Variants in VPS13C observed in about 807,000 individuals in gnomAD.
The protein encoded by VPS13C is vacuolar protein sorting 13 homolog C.
Under a neutral mutation model 456.8 loss-of-function variants are expected in VPS13C, and 358 were observed. That is an observed-to-expected ratio of 0.78 (90% CI 0.72 to 0.86). The LOEUF (loss-of-function observed/expected upper bound fraction) is 0.86. Ranked by LOEUF, VPS13C falls within the 40% of genes least tolerant of loss-of-function variation. The pLI is 0.00. For synonymous variants in VPS13C, 1,578 were observed against 1,486.7 expected (o/e 1.06, Z -1.41); for missense variants, 4,818 against 4,385.4 (o/e 1.10, Z -2.79).
intron 1 of VPS13C, among the ~76,000 whole-genome samples, chr15:62,057,752 A>G (rs560200498): frequency 8.5e-5 from 13 of 152,370 alleles, no homozygotes; most frequent in South Asian, 4.1e-4. Flanking sequence ...CCAAAAAAAG[A>G]CAAAAGGGGA....
At chr15:61,944,393 T>A (rs1048692367) in intron 45 of VPS13C, among the ~76,000 whole-genome samples, 1 of 152,020 alleles carries the variant, frequency 6.6e-6, no homozygotes, top group African/African-American at 2.4e-5. Context: ...TAGGTGCCCA[T>A]CAACAGTGGA....
Position 62,000,617 on chromosome 15 carries a change from T to G in VPS13C, c.1300A>C (p.Lys434Gln), listed in dbSNP as rs2046577301. The G allele has an allele frequency of 4.4e-6, 7 of 1,603,298 alleles. No homozygotes were observed. The East Asian group carries it at 1.6e-4, about 36-fold the overall frequency. Residue 434 changes from lysine to glutamine, a missense_variant, in exon 16 of 85, where the codon AAG (lysine) becomes CAG (glutamine). Lys to Gln is a moderately conservative substitution (Grantham distance 53). This residue lies in a region of VPS13C where 4,552 missense variants were observed against 4,130.6 expected (regional missense o/e 1.10). Coordinates refer to ENST00000644861, the MANE Select transcript of VPS13C (RefSeq NM_020821.3). The part of the protein sequence containing the change: ...EIQKEIQDLE[K>Q]TLDVFNIILA... ...ATTATGTTAAAAACATCTAGAGTCT[T>G]CTCCAAGTCCTGTAAAAAACAGAGG... is the stretch of plus-strand genomic sequence containing the variant.
At chr15:62,037,278 A>G (rs1261563305) in intron 3 of VPS13C, among the ~76,000 whole-genome samples, 1 of 71,392 alleles carries the variant, frequency 1.4e-5, no homozygotes, top group African/African-American at 6.0e-5. Flanking sequence ...TATATAATAT[A>G]TTATATATAT....
At chr15:62,031,129 T>C (rs934271904) in intron 5 of VPS13C, among the ~76,000 whole-genome samples, 1 of 152,138 alleles carries the variant, frequency 6.6e-6, no homozygotes, top group Non-Finnish European at 1.5e-5. Context: ...AATGAACTCA[T>C]AGTTTTATTT....
chr15:61,976,273 A>G (rs1456805596), intron 24 of VPS13C, among the ~76,000 whole-genome samples: 2 of 152,068 alleles, frequency 1.3e-5, no homozygotes, highest in African/African-American at 2.4e-5. Flanking sequence ...TGATACATAC[A>G]ACATGAATGA....
intron 3 of VPS13C, among the ~76,000 whole-genome samples, chr15:62,037,309 TA>T (rs550673312): frequency 0.016 from 1,109 of 67,746 alleles, 48 homozygotes; most frequent in East Asian, 0.05. Context: ...AATATATATA[TA>T]AATATATTAT....
At chr15:61,865,535 T>C (rs1000092269) in intron 81 of VPS13C, 40 of 906,508 alleles carry the variant, frequency 4.4e-5, no homozygotes, top group Non-Finnish European at 5.3e-5. Flanking sequence ...ATATAATGTA[T>C]GTATATATGT....
rs766499795 is a variant in VPS13C at position 61,915,809 on chromosome 15, C to T, written c.8269G>A (p.Val2757Ile). Residue 2757 changes from valine (V) to isoleucine (I), a missense_variant, in exon 61 of 85, where the codon GTC (valine) becomes ATC (isoleucine). Val to Ile is a conservative substitution (Grantham distance 29). This residue lies in a region of VPS13C where 4,552 missense variants were observed against 4,130.6 expected (regional missense o/e 1.10). Transcript: ENST00000644861. ...EVTTVDLSVH[V>I]RRIGSRMVLS... The stretch of plus-strand genomic sequence containing the variant: ...ACCATCCGGCTGCCAATTCTCCTGA[C>T]GTGGACTGACAGGTCGACTGTCGTC... 14 of 1,613,988 alleles carry T rather than the reference C, an allele frequency of 8.7e-6. No individual in the cohort carries two copies. Among genetic ancestry groups the T allele is most frequent in the Admixed American group, 5.0e-5 (3 of 59,974 alleles).
intron 9 of VPS13C, among the ~76,000 whole-genome samples, chr15:62,015,309 G>C (rs1212745702): frequency 2.6e-5 from 4 of 152,124 alleles, no homozygotes; most frequent in African/African-American, 9.7e-5. Context: ...TAGGTTGCCT[G>C]TTCACTCTGA....
At chr15:61,906,794 T>C (rs143841098) in intron 66 of VPS13C, 2 of 170,278 alleles carry the variant, frequency 1.2e-5, no homozygotes, top group Non-Finnish European at 2.5e-5. Flanking sequence ...TTTAATCAAC[T>C]CAGCTACCTA....
intron 54 of VPS13C, 61 bp from the exon 55 acceptor site, chr15:61,922,094 A>C (rs535690545): frequency 2.6e-6 from 4 of 1,520,808 alleles, no homozygotes; most frequent in Non-Finnish European, 2.7e-6. Flanking sequence ...TATTTCTGTA[A>C]CCAATAGGGA....
chr15:62,042,811 A>C (rs1057223779), intron 2 of VPS13C, among the ~76,000 whole-genome samples: 2 of 152,056 alleles, frequency 1.3e-5, no homozygotes, highest in African/African-American at 4.8e-5. Flanking sequence ...GATATACCTA[A>C]TGTAAATGAC....
chr15:62,046,398 T>C (rs950913876), intron 1 of VPS13C, among the ~76,000 whole-genome samples: 1 of 152,192 alleles, frequency 6.6e-6, no homozygotes, highest in Non-Finnish European at 1.5e-5. Context: ...TTACGTATTA[T>C]ATATGCACTA....
chr15:62,026,865 G>A (rs986229593), intron 6 of VPS13C, among the ~76,000 whole-genome samples: 10 of 152,192 alleles, frequency 6.6e-5, no homozygotes, highest in African/African-American at 2.4e-4. Flanking sequence ...CTTACTGTGA[G>A]TGCATGGCAG....
At chr15:61,889,121 A>G (rs1896485783) in intron 67 of VPS13C, among the ~76,000 whole-genome samples, 1 of 152,132 alleles carries the variant, frequency 6.6e-6, no homozygotes, top group Admixed American at 6.5e-5. Context: ...AAGTTATTTT[A>G]GATAAATTTT....
At chr15:61,889,866 A>C (rs1017597587) in intron 67 of VPS13C, among the ~76,000 whole-genome samples, 7 of 150,906 alleles carry the variant, frequency 4.6e-5, no homozygotes, top group African/African-American at 1.7e-4. Flanking sequence ...TATTTTTGTA[A>C]CTCATTAAAC....
chr15:61,878,537 G>T lies in VPS13C; in HGVS notation c.10142+70C>A, dbSNP rs560830987. The T allele has an allele frequency of 3.9e-6, 6 of 1,550,714 alleles. No homozygotes were observed. In the East Asian group the frequency reaches 1.4e-4, roughly 36 times the overall value. ...TTCCTAAGCTAACATTGCACAAGTG[G>T]AGAGAATTAATGTCTAGAAACATGA... On this transcript the variant is annotated intron_variant, in intron 74 of 84. Transcript: ENST00000644861.
At position 61,854,328 on chromosome 15, in the gene VPS13C, C is replaced by A; in HGVS notation, c.*129G>T. The A allele has an allele frequency of 2.3e-6, 2 of 865,752 alleles. No individual in the cohort carries two copies. The highest frequency in any genetic ancestry group is 1.4e-5 in the South Asian group (1 of 68,994). The allele number at this position is 865,752 out of a possible 1,614,324, so 53.6% of individuals were successfully genotyped here. ...GGTGAAAAAACTAGAAAACCCAATA[C>A]TAGCTATTCCAGAAAACTAAAACTA... On this transcript the variant is annotated 3_prime_UTR_variant, in exon 85 of 85. Transcript: ENST00000644861.
At chr15:61,920,807 T>C (rs777110344) in intron 55 of VPS13C, among the ~76,000 whole-genome samples, 160 bp from the exon 56 acceptor site, 41 of 152,066 alleles carry the variant, frequency 2.7e-4, no homozygotes, top group African/African-American at 8.2e-4. Flanking sequence ...TTTCATGGAG[T>C]TCAGCATTCA....
Sources: gnomAD v4.1 joint callset for allele counts (sites outside exome capture counted in the v4.1 genomes callset) on GRCh38, gnomAD v4.1.1 for gene constraint, gnomAD v4.1.1 regional missense constraint, MANE v1.5 for transcripts, NCBI Gene and HGNC (gene_info 2026-07-23, HGNC 2026-07-21) for gene names.